The following PCDHGB3 variants were observed in gnomAD, a reference collection of about 807,000 sequenced individuals.
The protein encoded by PCDHGB3 is protocadherin gamma-B3.
Under a neutral mutation model 59.2 loss-of-function variants are expected in PCDHGB3, and 40 were observed. That is an observed-to-expected ratio of 0.68 (90% confidence interval 0.52 to 0.88). The LOEUF (loss-of-function observed/expected upper bound fraction) is 0.88. Among genes scored for constraint, PCDHGB3 ranks in the 40% least tolerant of loss-of-function variants. The probability of loss-of-function intolerance (pLI) is 0.00; values close to 1 mark genes in which losing one functional copy is unlikely to be tolerated. For synonymous variants in PCDHGB3, 581 were observed against 503.6 expected, an observed-to-expected ratio of 1.15 and a Z score of -2.06; for missense variants, 1,309 against 1,187.9, an observed-to-expected ratio of 1.10 and a Z score of -1.50.
Position 141,372,605 on chromosome 5 carries a change from T to G in PCDHGB3, c.2211T>G (p.Pro737=). Residue 737 remains proline (P), a synonymous_variant, in exon 1 of 4, where the codon CCT becomes CCG. Coordinates refer to ENST00000576222, the MANE Select transcript of PCDHGB3 (RefSeq NM_018924.5). Reference sequence around the variant, plus strand: ...CTGGTGTCTGCTTCAAGACTGTACCTGGAGTTCTCCCCACCTACAGCGAAA... The same window carrying G: ...CTGGTGTCTGCTTCAAGACTGTACCGGGAGTTCTCCCCACCTACAGCGAAA... ...FQPGVCFKTV[P]GVLPTYSERT... is the part of the protein sequence containing the mutation. The G allele has an allele frequency of 3.1e-6, 5 of 1,614,050 alleles. No individual in the cohort carries two copies. Among genetic ancestry groups the G allele is most frequent in the Non-Finnish European group, 4.2e-6 (5 of 1,179,894 alleles).
intron 2 of PCDHGB3, among the ~76,000 whole-genome samples, chr5:141,503,222 G>A (rs540244346): frequency 2.2e-4 from 34 of 152,120 alleles, no homozygotes; most frequent in African/African-American, 7.7e-4. Context: ...CATGAGCACC[G>A]TAAAGATGGA....
In PCDHGB3 at chr5:141,477,891, G is replaced by T. The variant is rs750359063; in HGVS notation, c.2416-16916G>T. 10 of 1,614,066 alleles carry T rather than the reference G, an allele frequency of 6.2e-6. No individual in the cohort carries two copies. The African/African-American group carries it at 1.2e-4, about 19-fold the overall frequency. ...ACCTCAGCTGGCCACCTAGTGTCAC[G>T]GGTGGTAGGCTGGGACGCGGATGCA... is the stretch of plus-strand genomic sequence containing the variant. On this transcript the variant is annotated intron_variant, in intron 1 of 3. Coordinates refer to ENST00000576222, the MANE Select transcript of PCDHGB3 (RefSeq NM_018924.5). This position sits in a 1 kb window ranked among gnomAD's most constrained non-coding sequence, Gnocchi z 4.9.
intron 1 of PCDHGB3, chr5:141,393,556 G>A (rs758148175): frequency 5.6e-6 from 9 of 1,613,916 alleles, no homozygotes; most frequent in East Asian, 2.2e-5. Flanking sequence ...CCGATTTACC[G>A]AGTGAAAGTC....
At chr5:141,375,418 C>G in intron 1 of PCDHGB3, 1 of 1,613,972 alleles carries the variant, frequency 6.2e-7, no homozygotes, top group Non-Finnish European at 8.5e-7. Context: ...TGGCAGACAC[C>G]AACGACAACC....
Position 141,372,659 on chromosome 5 carries a change from T to A in PCDHGB3, c.2265T>A (p.Cys755Ter). ...CTTTGCCTTATTCCTACAATCCGTG[T>A]GCTGCCTCACATTCCTCAAACACCG... ...ERTLPYSYNPCAASHSSNTEF... is the reference protein window; with the variant it reads ...ERTLPYSYNP Residue 755 changes from cysteine to a stop codon, truncating the protein, a stop_gained, in exon 1 of 4, where the codon TGT (cysteine) becomes TGA (stop). Transcript: ENST00000576222. LOFTEE classifies it high-confidence loss of function. 1 of 1,614,058 alleles carries A rather than the reference T, an allele frequency of 6.2e-7. No homozygotes were observed. Among genetic ancestry groups the A allele is most frequent in the Non-Finnish European group, 8.5e-7 (1 of 1,179,888 alleles).
At chr5:141,501,290 T>TACACACACAC (rs55762287) in intron 2 of PCDHGB3, among the ~76,000 whole-genome samples, 12 of 136,162 alleles carry the variant, frequency 8.8e-5, no homozygotes, top group Admixed American at 4.7e-4. Context: ...TATTCCCTTA[T>TACACACACAC]ACACACACAC....
intron 1 of PCDHGB3, among the ~76,000 whole-genome samples, chr5:141,464,203 T>G (rs2099077714): frequency 6.6e-6 from 1 of 150,780 alleles, no homozygotes; most frequent in South Asian, 2.1e-4. Flanking sequence ...AGGCGGAGAT[T>G]GCAGTGAGCT....
At chr5:141,445,046 G>A (rs181806844) in intron 1 of PCDHGB3, among the ~76,000 whole-genome samples, 1 of 152,248 alleles carries the variant, frequency 6.6e-6, no homozygotes, top group East Asian at 1.9e-4. Context: ...AGTTTTCAGT[G>A]TAGAGAGGTC....
At chr5:141,378,906 G>A (rs561615275) in intron 1 of PCDHGB3, 2 of 152,278 alleles carry the variant, frequency 1.3e-5, no homozygotes, top group African/African-American at 2.4e-5. Context: ...TTCTGTTATC[G>A]ACAGTCTTCA....
In PCDHGB3 at chr5:141,420,282, T is replaced by C. The variant is rs543435018; in HGVS notation, c.2415+47473T>C. 2.1e-5 allele frequency: 31 copies of C among 1,510,188 alleles called. No homozygotes were observed. In the African/African-American group the frequency reaches 4.0e-4, roughly 20 times the overall value. 93.5% of individuals were successfully genotyped at this position (1,510,188 alleles called of 1,614,324 possible). On this transcript the variant is annotated intron_variant, in intron 1 of 3. Coordinates refer to ENST00000576222, the MANE Select transcript of PCDHGB3 (RefSeq NM_018924.5). ...AAGAAGATTCTTAAACAGGTAAGTA[T>C]TTAAAAATGTATTTAATCCTTTTTA...
In PCDHGB3 at chr5:141,395,071, A is replaced by G. The variant is rs767254764; in HGVS notation, c.2415+22262A>G. 27 of 1,614,100 alleles carry G rather than the reference A, an allele frequency of 1.7e-5. No individual in the cohort carries two copies. Among genetic ancestry groups the G allele is most frequent in the East Asian group, 2.2e-5 (1 of 44,880 alleles). The stretch of plus-strand genomic sequence containing the variant: ...GAGGTACAGGCTTTCCTGCAGACCT[A>G]TTCCCAGGAAGTCTCCCTCACCGCC... On this transcript the variant is annotated intron_variant, in intron 1 of 3. Transcript: ENST00000576222.
intron 1 of PCDHGB3, among the ~76,000 whole-genome samples, chr5:141,494,188 T>G (rs2099752632): frequency 6.6e-6 from 1 of 152,186 alleles, no homozygotes; most frequent in Non-Finnish European, 1.5e-5. Flanking sequence ...GTCCCGGGAC[T>G]TGGATGCCCC....
In PCDHGB3 at chr5:141,383,423, A is replaced by G. The variant is rs373117845; in HGVS notation, c.2415+10614A>G. 86 of 1,613,864 alleles carry G rather than the reference A, an allele frequency of 5.3e-5. No individual in the cohort carries two copies. The highest frequency in any genetic ancestry group is 1.6e-4 in the Middle Eastern group (1 of 6,084). On this transcript the variant is annotated intron_variant, in intron 1 of 3. Transcript: ENST00000576222. ...CTCCAGAGTTACCAGCTCAGCCCCAATCGCCACTTCTCCCTGGCTGTGCAA... is the reference window on the plus strand; with the variant it reads ...CTCCAGAGTTACCAGCTCAGCCCCAGTCGCCACTTCTCCCTGGCTGTGCAA...
intron 1 of PCDHGB3, chr5:141,422,847 C>G (rs1271794821): frequency 7.4e-6 from 12 of 1,614,234 alleles, no homozygotes; most frequent in Non-Finnish European, 1.0e-5. Context: ...ACAGCGGGGA[C>G]CCGCCCCTCA....
At chr5:141,472,805 G>C (rs2099297767) in intron 1 of PCDHGB3, among the ~76,000 whole-genome samples, 1 of 151,688 alleles carries the variant, frequency 6.6e-6, no homozygotes, top group African/African-American at 2.4e-5. Context: ...GACCAACATG[G>C]AGAAACCCCC....
At chr5:141,414,821 A>G (rs1321959107) in intron 1 of PCDHGB3, 1 of 1,614,226 alleles carries the variant, frequency 6.2e-7, no homozygotes, top group South Asian at 1.1e-5. Flanking sequence ...CTCAGCAGCA[A>G]CGTGTCGTTG....
chr5:141,494,818 C>T lies in PCDHGB3; in HGVS notation c.2427C>T (p.Pro809=). The part of the protein sequence containing the change: ...NSGNLQKQAP[P]NTDWRFSQAQ... ...TGTTTTCTCCACAGCAAGCCCCGCCCAACACGGACTGGCGTTTCTCTCAGG... is the reference window on the plus strand; with the variant it reads ...TGTTTTCTCCACAGCAAGCCCCGCCTAACACGGACTGGCGTTTCTCTCAGG... Residue 809 remains proline (P), a synonymous_variant, in exon 2 of 4, where the codon CCC becomes CCT. Transcript: ENST00000576222. 1.9e-6 allele frequency: 3 copies of T among 1,614,152 alleles called. No homozygotes were observed. The highest frequency in any genetic ancestry group is 2.2e-5 in the South Asian group (2 of 91,074).
chr5:141,421,231 G>T (rs1368484504), intron 1 of PCDHGB3: 1 of 1,590,694 alleles, frequency 6.3e-7, no homozygotes, highest in South Asian at 1.1e-5. Context: ...GCCTGCCATG[G>T]CGAATCGGCT....
chr5:141,471,214 A>C (rs757487718), intron 1 of PCDHGB3: 2 of 149,606 alleles, frequency 1.3e-5, no homozygotes, highest in Non-Finnish European at 3.0e-5. Context: ...CATGCCTGGC[A>C]ATTTTTTTGT....
Sources: gnomAD v4.1 joint callset for allele counts (sites outside exome capture counted in the v4.1 genomes callset) on GRCh38, gnomAD v4.1.1 for gene constraint, Gnocchi (gnomAD v3.1) non-coding constraint, MANE v1.5 for transcripts, NCBI Gene and HGNC (gene_info 2026-07-23, HGNC 2026-07-21) for gene names.